Variants in GRIA3 observed in about 807,000 individuals in gnomAD.
GRIA3 encodes glutamate receptor 3.
Under a neutral mutation model 63.0 loss-of-function variants are expected in GRIA3, and 3 were observed. That is an observed-to-expected ratio of 0.05 (90% confidence interval 0.02 to 0.12). The LOEUF is 0.12. Ranked by LOEUF, GRIA3 falls within the 10% of genes least tolerant of loss-of-function variation. The pLI is 1.00. For missense variants in GRIA3, 347 were observed against 700.9 expected (o/e 0.50, Z 5.70); for synonymous variants, 274 against 257.9 (o/e 1.06, Z -0.60).
At chrX:123,231,049 C>A (rs764746110) in intron 2 of GRIA3, among the ~76,000 whole-genome samples, 1 of 112,068 alleles carries the variant, frequency 8.9e-6, no homozygotes, top group East Asian at 2.8e-4. Context: ...AATTGCTAGT[C>A]TTTTCAGAAA....
rs749749527 is a variant in GRIA3, at chrX:123,480,190, A to C, written c.2439+13A>C. ...CTCCGGGAGTAAGGTCAGTCGCTGAAGGTCTTTTTGTACTGATTAGCAATC... is the reference window on the plus strand; with the variant it reads ...CTCCGGGAGTAAGGTCAGTCGCTGACGGTCTTTTTGTACTGATTAGCAATC... On this transcript the variant is annotated intron_variant, in intron 14 of 15. Transcript: ENST00000620443. 1 of 1,037,485 alleles carries C rather than the reference A, an allele frequency of 9.6e-7. No individual in the cohort carries two copies. Among genetic ancestry groups the C allele is most frequent in the Non-Finnish European group, 1.4e-6 (1 of 737,071 alleles). 85.5% of individuals were successfully genotyped at this position (1,037,485 alleles called of 1,213,427 possible).
chrX:123,444,002 A>T (rs923256641), intron 12 of GRIA3, among the ~76,000 whole-genome samples: 1 of 111,249 alleles, frequency 9.0e-6, no homozygotes, highest in African/African-American at 3.3e-5. Context: ...ACCCTTCACA[A>T]AGGAAAGTTC....
chrX:123,431,030 A>ACACACACT (rs1405379922), intron 12 of GRIA3, among the ~76,000 whole-genome samples: 4 of 72,005 alleles, frequency 5.6e-5, no homozygotes, highest in Non-Finnish European at 8.6e-5. Context: ...ACTCACATAC[A>ACACACACT]CACACACACA....
intron 3 of GRIA3, among the ~76,000 whole-genome samples, chrX:123,262,069 G>T (rs1345442324): frequency 2.7e-5 from 3 of 111,708 alleles, no homozygotes; most frequent in East Asian, 2.8e-4. Context: ...TCCTTGAAAA[G>T]GTTCTTCCAA....
intron 3 of GRIA3, among the ~76,000 whole-genome samples, chrX:123,286,748 G>A (rs759470215): frequency 3.5e-4 from 39 of 111,561 alleles, no homozygotes; most frequent in African/African-American, 1.2e-3. Flanking sequence ...CCAATAACAA[G>A]TTCCGAAATT....
chrX:123,377,205 G>T (rs1175512208), intron 5 of GRIA3, among the ~76,000 whole-genome samples: 1 of 111,173 alleles, frequency 9.0e-6, no homozygotes, highest in African/African-American at 3.3e-5. Context: ...CAAAGTGCTG[G>T]TAGTACAGGC....
chrX:123,457,903 G>A (rs1203873609), intron 12 of GRIA3, among the ~76,000 whole-genome samples: 1 of 111,030 alleles, frequency 9.0e-6, no homozygotes, highest in Non-Finnish European at 1.9e-5. Context: ...CAATTTGGGA[G>A]GCCACATTTT....
chrX:123,336,667 C>A (rs1329298174), intron 4 of GRIA3, among the ~76,000 whole-genome samples: 2 of 110,907 alleles, frequency 1.8e-5, no homozygotes, highest in African/African-American at 6.6e-5. Flanking sequence ...CCACCACCAC[C>A]CTACTCTGAA....
chrX:123,445,955 C>T (rs1260843965), intron 12 of GRIA3, among the ~76,000 whole-genome samples: 2 of 112,239 alleles, frequency 1.8e-5, no homozygotes, highest in Non-Finnish European at 3.8e-5. Flanking sequence ...GGAAGACATA[C>T]TATTTTCTAG....
At chrX:123,226,914 C>T (rs1370583665) in intron 2 of GRIA3, among the ~76,000 whole-genome samples, 1 of 84,468 alleles carries the variant, frequency 1.2e-5, no homozygotes, top group Non-Finnish European at 2.4e-5. Context: ...GTCCCTCTCC[C>T]TGACCCCCTC....
rs1281354709 is a variant in GRIA3 at position 123,257,268 on chromosome X, C to A, written c.508+3726C>A. Among the ~76,000 whole-genome samples, 4 of 111,906 alleles carry A rather than the reference C, an allele frequency of 3.6e-5. No homozygotes were observed. In the East Asian group the frequency reaches 1.1e-3, roughly 31 times the overall value. On this transcript the variant is annotated intron_variant, in intron 3 of 15. Coordinates refer to ENST00000620443, the MANE Select transcript of GRIA3 (RefSeq NM_007325.5). Reference sequence around the variant, plus strand: ...ACTTTGTGCCTCCCCTAGTACATAGCACATGCCTGTGTGCCTACTTAGTGT... The same window carrying A: ...ACTTTGTGCCTCCCCTAGTACATAGAACATGCCTGTGTGCCTACTTAGTGT...
chrX:123,278,740 C>T (rs1246919126), intron 3 of GRIA3, among the ~76,000 whole-genome samples: 8 of 111,939 alleles, frequency 7.1e-5, no homozygotes, highest in African/African-American at 2.6e-4. Flanking sequence ...GTTGTAAATG[C>T]ATGGATTTAT....
intron 2 of GRIA3, among the ~76,000 whole-genome samples, chrX:123,216,996 G>A (rs1425599700): frequency 1.8e-5 from 2 of 112,045 alleles, no homozygotes; most frequent in Admixed American, 9.4e-5. Flanking sequence ...TCCTCAAATA[G>A]CCTTTTAGTA....
chrX:123,370,655 A>G (rs1302471116), intron 5 of GRIA3, among the ~76,000 whole-genome samples: 2 of 111,372 alleles, frequency 1.8e-5, no homozygotes, highest in Non-Finnish European at 3.8e-5. Flanking sequence ...AATCAGAAGT[A>G]AGGCCTAGGA....
At chrX:123,279,352 A>G (rs1386172269) in intron 3 of GRIA3, among the ~76,000 whole-genome samples, 1 of 111,730 alleles carries the variant, frequency 9.0e-6, no homozygotes, top group East Asian at 2.8e-4. Context: ...TGAAAAATGT[A>G]AAGACAGTGG....
chrX:123,400,545 A>C (rs1197904459), intron 7 of GRIA3, among the ~76,000 whole-genome samples: 4 of 112,258 alleles, frequency 3.6e-5, no homozygotes. Flanking sequence ...TTGAGACTGC[A>C]TAATGTAAAG....
At chrX:123,251,055 T>C in intron 2 of GRIA3, among the ~76,000 whole-genome samples, 1 of 111,795 alleles carries the variant, frequency 8.9e-6, no homozygotes, top group East Asian at 2.8e-4. Context: ...TTTTTATCTA[T>C]TAAATAGGAA....
intron 5 of GRIA3, among the ~76,000 whole-genome samples, chrX:123,386,812 T>C (rs1480098426): frequency 8.9e-6 from 1 of 111,752 alleles, no homozygotes; most frequent in Non-Finnish European, 1.9e-5. Context: ...GTCCCATTCA[T>C]CTATGTGTCT....
chrX:123,222,452 C>T (rs1321853713), intron 2 of GRIA3, among the ~76,000 whole-genome samples: 1 of 112,265 alleles, frequency 8.9e-6, no homozygotes, highest in African/African-American at 3.2e-5. Flanking sequence ...TCTCCTCTTT[C>T]TCAATCACTA....
Sources: allele counts gnomAD v4.1 joint callset (sites outside exome capture counted in the v4.1 genomes callset), GRCh38; gene constraint gnomAD v4.1.1; transcripts MANE v1.5; gene names NCBI Gene and HGNC (gene_info 2026-07-23, HGNC 2026-07-21).